Variants in WDR59 observed in about 807,000 individuals in gnomAD.
The protein encoded by WDR59 is GATOR2 complex protein WDR59.
WDR59 carries 100 observed loss-of-function variants against 131.2 expected under a neutral mutation model. The observed-to-expected ratio is 0.76, with a 90% CI of 0.65 to 0.90. The LOEUF is 0.90. WDR59 is among the 40% of genes least tolerant of loss of function. The pLI is 0.00. For synonymous variants in WDR59, 601 were observed against 466.2 expected (o/e 1.29, Z -3.72); for missense variants, 1,203 against 1,262.2 (o/e 0.95, Z 0.71).
rs370569558 is a variant in WDR59, at chr16:74,910,305, G to C, written c.1390-388C>G. 1.7e-4 allele frequency among the ~76,000 whole-genome samples: 26 copies of C among 152,244 alleles called. 2 individuals are homozygous for C. The highest frequency in any genetic ancestry group is 1.0e-3 in the South Asian group (5 of 4,818). On this transcript the variant is annotated intron_variant, in intron 14 of 25. Transcript: ENST00000262144. ...TCTTCTGCAAAGTGGTCAGACACAA[G>C]GGTGATGCTGGGAGCCAGGTGCATG...
chr16:74,916,767 G>A (rs759787874), intron 11 of WDR59, among the ~76,000 whole-genome samples: 6 of 151,058 alleles, frequency 4.0e-5, no homozygotes, highest in African/African-American at 7.3e-5. Context: ...GCTGAGGCAG[G>A]AGAATCACTT....
chr16:74,947,808 C>T (rs2032739289), intron 6 of WDR59, among the ~76,000 whole-genome samples: 1 of 152,070 alleles, frequency 6.6e-6, no homozygotes, highest in Non-Finnish European at 1.5e-5. Flanking sequence ...TGGTGGCTCA[C>T]ACCTGTAATC....
At chr16:74,891,752 A>C (rs1965053328) in intron 20 of WDR59, among the ~76,000 whole-genome samples, 1 of 152,212 alleles carries the variant, frequency 6.6e-6, no homozygotes, top group Non-Finnish European at 1.5e-5. Flanking sequence ...GTGAAACCCC[A>C]TCTCTACTAA....
chr16:74,920,036 G>A (rs190477165), intron 10 of WDR59, among the ~76,000 whole-genome samples: 64 of 148,270 alleles, frequency 4.3e-4, no homozygotes, highest in Admixed American at 3.8e-3. Context: ...GTGCCTGCAC[G>A]CTAGCCTGGG....
chr16:74,886,910 A>G (rs1038664957), intron 23 of WDR59, among the ~76,000 whole-genome samples: 20 of 152,206 alleles, frequency 1.3e-4, no homozygotes, highest in Non-Finnish European at 2.4e-4. Flanking sequence ...CGACAGAGCA[A>G]GAGTCCATCT....
chr16:74,921,202 G>A (rs1344709629), intron 10 of WDR59, among the ~76,000 whole-genome samples: 1 of 151,974 alleles, frequency 6.6e-6, no homozygotes, highest in Non-Finnish European at 1.5e-5. Context: ...CAGGTACTAA[G>A]CCTAGTACCC....
chr16:74,954,414 A>T (rs1226743451), intron 3 of WDR59, among the ~76,000 whole-genome samples: 1 of 152,218 alleles, frequency 6.6e-6, no homozygotes, highest in African/African-American at 2.4e-5. Flanking sequence ...GTCTCAAAAC[A>T]AACAAACAAA....
At chr16:74,983,799 G>C (rs898425026) in intron 1 of WDR59, among the ~76,000 whole-genome samples, 14 of 151,806 alleles carry the variant, frequency 9.2e-5, no homozygotes, top group Non-Finnish European at 1.9e-4. Context: ...AACATAGGGA[G>C]ACCCCGTCTC....
At chr16:74,983,852 G>A (rs1483435591) in intron 1 of WDR59, among the ~76,000 whole-genome samples, 2 of 150,314 alleles carry the variant, frequency 1.3e-5, no homozygotes, top group Non-Finnish European at 3.0e-5. Context: ...GTTGGCATGC[G>A]CCTGTAGTCT....
chr16:74,935,490 G>C (rs2031727110), intron 8 of WDR59, among the ~76,000 whole-genome samples: 1 of 151,880 alleles, frequency 6.6e-6, no homozygotes, highest in African/African-American at 2.4e-5. Flanking sequence ...ATAAACTGAA[G>C]TGAAATACAC....
At chr16:74,891,370 T>C (rs1038536679) in intron 20 of WDR59, among the ~76,000 whole-genome samples, 8 of 152,264 alleles carry the variant, frequency 5.3e-5, no homozygotes, top group African/African-American at 1.9e-4. Context: ...TTGAAAAATA[T>C]ACAGAAGGTA....
chr16:74,886,856 G>A (rs1466036011), intron 23 of WDR59, among the ~76,000 whole-genome samples: 5 of 152,212 alleles, frequency 3.3e-5, no homozygotes, highest in African/African-American at 4.8e-5. Flanking sequence ...CTGGGAGGCA[G>A]AGGGGGCAGT....
chr16:74,973,896 G>A lies in WDR59; in HGVS notation c.55-8074C>T, dbSNP rs1005501908. ...ACTAAAACACAAAAATTGGCCAGGC[G>A]CAGTGGCCCACACCTGTAATCCTAG... On this transcript the variant is annotated intron_variant, in intron 1 of 25. Coordinates refer to ENST00000262144, the MANE Select transcript of WDR59 (RefSeq NM_030581.4). 4.6e-5 allele frequency among the ~76,000 whole-genome samples: 7 copies of A among 151,938 alleles called. No homozygotes were observed. In the East Asian group the frequency reaches 1.2e-3, roughly 25 times the overall value.
intron 18 of WDR59, among the ~76,000 whole-genome samples, chr16:74,898,514 T>A (rs577578053): frequency 1.3e-5 from 2 of 151,834 alleles, no homozygotes; most frequent in Non-Finnish European, 2.9e-5. Context: ...AAGGTGTTCA[T>A]GGAGTTATGG....
At chr16:74,903,801 A>G (rs1965671331) in intron 18 of WDR59, 146 bp downstream of exon 18, 1 of 1,085,440 alleles carries the variant, frequency 9.2e-7, no homozygotes, top group Non-Finnish European at 1.3e-6. Flanking sequence ...TGAAAGGAAC[A>G]AAGTAATGAC....
At chr16:74,945,207 A>T (rs1415529024) in intron 6 of WDR59, among the ~76,000 whole-genome samples, 1 of 150,472 alleles carries the variant, frequency 6.6e-6, no homozygotes, top group Non-Finnish European at 1.5e-5. Flanking sequence ...CCGGGCGAAG[A>T]GGCTCACGCC....
chr16:74,955,576 C>G (rs1017045801), intron 3 of WDR59, among the ~76,000 whole-genome samples: 15 of 152,140 alleles, frequency 9.9e-5, no homozygotes, highest in Admixed American at 8.5e-4. Context: ...AGCGCAACCT[C>G]GGACATCCAC....
chr16:74,981,037 G>A lies in WDR59; in HGVS notation c.54+3927C>T, dbSNP rs1027507695. Among the ~76,000 whole-genome samples the A allele has an allele frequency of 3.4e-5, 5 of 147,822 alleles. No individual in the cohort carries two copies. The South Asian group carries it at 1.1e-3, about 33-fold the overall frequency. The stretch of plus-strand genomic sequence containing the variant: ...CAGCTCAGGAGTTCAAGACCAGCCT[G>A]AACAAGAACGTAAAGCCCCATCTCT... On this transcript the variant is annotated intron_variant, in intron 1 of 25. Coordinates refer to ENST00000262144, the MANE Select transcript of WDR59 (RefSeq NM_030581.4).
intron 18 of WDR59, among the ~76,000 whole-genome samples, chr16:74,898,661 C>T (rs901385196): frequency 6.6e-6 from 1 of 152,228 alleles, no homozygotes; most frequent in Non-Finnish European, 1.5e-5. Context: ...TCAGAGGCAA[C>T]ATTGATGCCA....
Sources: gnomAD v4.1 joint callset for allele counts (sites outside exome capture counted in the v4.1 genomes callset) on GRCh38, gnomAD v4.1.1 for gene constraint, MANE v1.5 for transcripts, NCBI Gene and HGNC (gene_info 2026-07-23, HGNC 2026-07-21) for gene names.